The following IL34 variants were observed in gnomAD, a reference collection of about 807,000 sequenced individuals.
IL34 encodes interleukin-34.
IL34 carries 17 observed loss-of-function variants against 25.3 expected under a neutral mutation model. The observed-to-expected ratio is 0.67, with a 90% CI of 0.46 to 1.01. IL34 has a LOEUF of 1.01. Among genes scored for constraint, IL34 ranks in the 50% least tolerant of loss-of-function variants. IL34 has a pLI of 0.00. For missense variants in IL34, 368 were observed against 312.9 expected, an observed-to-expected ratio of 1.18 and a Z score of -1.33; for synonymous variants, 174 against 140.9, an observed-to-expected ratio of 1.23 and a Z score of -1.66.
chr16:70,607,478 C>A (rs1211844488), intron 1 of IL34, among the ~76,000 whole-genome samples: 8 of 152,190 alleles, frequency 5.3e-5, no homozygotes, highest in Admixed American at 5.2e-4. Context: ...ATATGCATCC[C>A]TCCCCCTTTT....
chr16:70,588,000 C>T (rs1351321457), intron 1 of IL34, among the ~76,000 whole-genome samples: 1 of 151,988 alleles, frequency 6.6e-6, no homozygotes, highest in East Asian at 1.9e-4. Flanking sequence ...GGTCGCGCCA[C>T]TGCACTCTAG....
Position 70,654,705 on chromosome 16 carries a change from C to T in IL34, c.162+34C>T, listed in dbSNP as rs373066182. The T allele has an allele frequency of 1.4e-4, 227 of 1,572,412 alleles. 1 individual carries two copies. The highest frequency in any genetic ancestry group is 1.9e-4 in the Non-Finnish European group (218 of 1,152,108). ...GTGGGCACCAGCTGTGTCCCTGTCC[C>T]CGCGTCCCGGGGTTCACCTGGCATA... is the stretch of plus-strand genomic sequence containing the variant. On this transcript the variant is annotated intron_variant, in intron 2 of 5. Coordinates refer to ENST00000288098, the MANE Select transcript of IL34 (RefSeq NM_001393494.1).
chr16:70,640,890 C>T (rs957796582), intron 1 of IL34, among the ~76,000 whole-genome samples: 1 of 152,144 alleles, frequency 6.6e-6, no homozygotes. Context: ...GATATAATTT[C>T]TGTCCCTGGA....
chr16:70,588,079 G>C (rs930225227), intron 1 of IL34, among the ~76,000 whole-genome samples: 1 of 152,156 alleles, frequency 6.6e-6, no homozygotes, highest in Non-Finnish European at 1.5e-5. Flanking sequence ...GGGATGTGGA[G>C]GAACTGGCAC....
At chr16:70,622,326 G>A (rs1205873020) in intron 1 of IL34, among the ~76,000 whole-genome samples, 3 of 152,050 alleles carry the variant, frequency 2.0e-5, no homozygotes, top group Admixed American at 6.6e-5. Context: ...AGTCCTGGGC[G>A]GGGGCAAATC....
chr16:70,591,975 G>A (rs1249762073), intron 1 of IL34, among the ~76,000 whole-genome samples: 4 of 151,996 alleles, frequency 2.6e-5, no homozygotes, highest in Non-Finnish European at 5.9e-5. Context: ...TCCTGGGTGG[G>A]GGCCCTGGTA....
At chr16:70,634,074 C>T (rs1197953429) in intron 1 of IL34, among the ~76,000 whole-genome samples, 1 of 152,002 alleles carries the variant, frequency 6.6e-6, no homozygotes, top group African/African-American at 2.4e-5. Flanking sequence ...TAGTCTCAAA[C>T]ACCTGACCTC....
chr16:70,600,518 G>C (rs1170015056), intron 1 of IL34, among the ~76,000 whole-genome samples: 2 of 152,204 alleles, frequency 1.3e-5, no homozygotes, highest in Admixed American at 6.5e-5. Context: ...GACATGAAAT[G>C]CACAGTGGGG....
intron 1 of IL34, among the ~76,000 whole-genome samples, chr16:70,619,242 G>A (rs947409759): frequency 1.3e-5 from 2 of 152,080 alleles, no homozygotes; most frequent in African/African-American, 4.8e-5. Context: ...AGGGTGATTA[G>A]GTTTTAATGA....
chr16:70,640,165 A>G lies in IL34; in HGVS notation c.-400-6383A>G, dbSNP rs528470572. Among the ~76,000 whole-genome samples the G allele has an allele frequency of 5.3e-5, 8 of 152,200 alleles. No homozygotes were observed. In the East Asian group the frequency reaches 1.5e-3, roughly 29 times the overall value. On this transcript the variant is annotated intron_variant, in intron 1 of 6. Transcript: ENST00000429149. ...GTTTTCTTTTGTTTTGCTTTGAGAC[A>G]GGGTCTCACTCTATCACCCAGGCTG...
chr16:70,633,784 C>T (rs2051574031), intron 1 of IL34, among the ~76,000 whole-genome samples: 1 of 152,178 alleles, frequency 6.6e-6, no homozygotes, highest in South Asian at 2.1e-4. Flanking sequence ...GTGTACAATT[C>T]CTGGTGCTGT....
chr16:70,613,707 C>T (rs1330345332), intron 1 of IL34, among the ~76,000 whole-genome samples: 10 of 151,952 alleles, frequency 6.6e-5, no homozygotes, highest in Non-Finnish European at 1.0e-4. Flanking sequence ...AACCCTATCT[C>T]TACTAAAAAT....
chr16:70,631,171 G>T (rs2051509957), intron 1 of IL34, among the ~76,000 whole-genome samples: 1 of 152,210 alleles, frequency 6.6e-6, no homozygotes, highest in Admixed American at 6.5e-5. Flanking sequence ...TTGGAATAAA[G>T]TCTCTTTGGT....
chr16:70,638,348 G>A (rs1175895185), intron 1 of IL34, among the ~76,000 whole-genome samples: 3 of 151,940 alleles, frequency 2.0e-5, no homozygotes, highest in African/African-American at 7.3e-5. Context: ...GCATGGTGGT[G>A]CACACCTATA....
chr16:70,619,533 A>T (rs1233043062), intron 1 of IL34, among the ~76,000 whole-genome samples: 3 of 151,546 alleles, frequency 2.0e-5, no homozygotes, highest in African/African-American at 7.3e-5. Flanking sequence ...AGAGGTTTAG[A>T]AGCCTGGCCG....
upstream of IL34, among the ~76,000 whole-genome samples, chr16:70,643,771 T>C (rs1414256581): frequency 2.0e-5 from 3 of 152,204 alleles, no homozygotes; most frequent in Non-Finnish European, 2.9e-5. Flanking sequence ...ATTTAAAAAA[T>C]AACCAGGGAA....
intron 1 of IL34, among the ~76,000 whole-genome samples, chr16:70,611,346 G>A (rs1330910315): frequency 6.6e-6 from 1 of 152,106 alleles, no homozygotes; most frequent in African/African-American, 2.4e-5. Flanking sequence ...GCCAGGTACG[G>A]CAGATTTGTG....
At chr16:70,638,871 C>T (rs934216291) in intron 1 of IL34, among the ~76,000 whole-genome samples, 4 of 152,126 alleles carry the variant, frequency 2.6e-5, no homozygotes, top group Non-Finnish European at 4.4e-5. Flanking sequence ...TGTGTGCCAC[C>T]GCACCAGCCC....
chr16:70,620,424 C>G (rs533028013), intron 1 of IL34, among the ~76,000 whole-genome samples: 1,694 of 148,094 alleles, frequency 0.011, 19 homozygotes, highest in African/African-American at 0.027. Flanking sequence ...CTGTAAGCCC[C>G]ACCAGGTGTG....
Sources: gnomAD v4.1 joint callset for allele counts (sites outside exome capture counted in the v4.1 genomes callset) on GRCh38, gnomAD v4.1.1 for gene constraint, MANE v1.5 for transcripts, NCBI Gene and HGNC (gene_info 2026-07-23, HGNC 2026-07-21) for gene names.